Variants in EFNA5 observed in about 807,000 individuals in gnomAD.
EFNA5 encodes ephrin A5.
Under a neutral mutation model 22.9 loss-of-function variants are expected in EFNA5, and 5 were observed. That is an observed-to-expected ratio of 0.22 (90% CI 0.11 to 0.46). EFNA5 has a LOEUF of 0.46. EFNA5 is among the 20% of genes least tolerant of loss of function. EFNA5 has a pLI of 0.99. For synonymous variants in EFNA5, 113 were observed against 112.2 expected (o/e 1.01, Z -0.04); for missense variants, 237 against 293.3 (o/e 0.81, Z 1.40).
At chr5:107,633,098 G>A (rs1262432731) in intron 1 of EFNA5, among the ~76,000 whole-genome samples, 1 of 151,892 alleles carries the variant, frequency 6.6e-6, no homozygotes, top group Non-Finnish European at 1.5e-5. Context: ...TCTAAATTGA[G>A]GTCATTTTTT....
intron 1 of EFNA5, among the ~76,000 whole-genome samples, chr5:107,649,077 C>A (rs963426413): frequency 3.3e-5 from 5 of 152,090 alleles, no homozygotes; most frequent in South Asian, 2.1e-4. Context: ...AAGTGACTTG[C>A]CCAAGGTCAA....
intron 1 of EFNA5, among the ~76,000 whole-genome samples, chr5:107,529,319 A>G (rs1475522594): frequency 1.3e-5 from 2 of 151,958 alleles, no homozygotes; most frequent in Non-Finnish European, 2.9e-5. Flanking sequence ...AGTCCCCCCT[A>G]CCCAAGGTTT....
At position 107,379,217 on chromosome 5, in the gene EFNA5, C is replaced by G. The variant is rs539745204; in HGVS notation, c.*2038G>C. On this transcript the variant is annotated 3_prime_UTR_variant, in exon 5 of 5. Coordinates refer to ENST00000333274, the MANE Select transcript of EFNA5 (RefSeq NM_001962.3). ...ACACATGGTTCCATGTGAGAACAGA[C>G]TCGGCAGTGACATCCACTCCAAATG... is the stretch of plus-strand genomic sequence containing the variant. 1 of 152,106 alleles carries G rather than the reference C, an allele frequency of 6.6e-6. No individual in the cohort carries two copies. Among genetic ancestry groups the G allele is most frequent in the Non-Finnish European group, 1.5e-5 (1 of 68,036 alleles). 9.4% of individuals were successfully genotyped at this position (152,106 alleles called of 1,614,324 possible).
chr5:107,553,494 T>C (rs151097977), intron 1 of EFNA5, among the ~76,000 whole-genome samples: 4 of 152,258 alleles, frequency 2.6e-5, no homozygotes, highest in African/African-American at 9.6e-5. Context: ...AGATTTTATA[T>C]CCCTAAAGGG....
intron 2 of EFNA5, among the ~76,000 whole-genome samples, chr5:107,422,550 C>T (rs1748699366): frequency 6.6e-6 from 1 of 152,176 alleles, no homozygotes; most frequent in African/African-American, 2.4e-5. Flanking sequence ...ATGCCTGGGG[C>T]AATGGGAAGC....
intron 1 of EFNA5, among the ~76,000 whole-genome samples, chr5:107,593,212 T>C (rs369728686): frequency 2.0e-5 from 3 of 152,258 alleles, no homozygotes; most frequent in Admixed American, 6.5e-5. Context: ...GACTCGACCC[T>C]TATGTGCACT....
At chr5:107,542,478 G>C (rs764966089) in intron 1 of EFNA5, among the ~76,000 whole-genome samples, 3 of 151,600 alleles carry the variant, frequency 2.0e-5, no homozygotes, top group African/African-American at 7.3e-5. Flanking sequence ...AGTTCCATAA[G>C]TAGAGTCTGC....
intron 1 of EFNA5, among the ~76,000 whole-genome samples, chr5:107,631,540 C>T (rs1750251063): frequency 6.6e-6 from 1 of 151,914 alleles, no homozygotes; most frequent in South Asian, 2.1e-4. Flanking sequence ...TATGAAAATA[C>T]AAGAACAACT....
At chr5:107,435,491 A>T (rs1749088420) in intron 1 of EFNA5, among the ~76,000 whole-genome samples, 1 of 152,030 alleles carries the variant, frequency 6.6e-6, no homozygotes. Flanking sequence ...TATCTTTCAG[A>T]TGTATTGGTA....
intron 1 of EFNA5, among the ~76,000 whole-genome samples, chr5:107,527,340 A>G (rs1229321538): frequency 1.3e-5 from 2 of 148,408 alleles, no homozygotes; most frequent in Non-Finnish European, 3.0e-5. Flanking sequence ...GAGCTGGAAT[A>G]CAGTGGCGCA....
At chr5:107,437,677 A>G (rs963940924) in intron 1 of EFNA5, among the ~76,000 whole-genome samples, 6 of 152,082 alleles carry the variant, frequency 3.9e-5, no homozygotes, top group Admixed American at 1.3e-4. Context: ...CATAGTAGCG[A>G]CTACATAGAT....
At chr5:107,383,539 C>T (rs1747526138) in intron 4 of EFNA5, among the ~76,000 whole-genome samples, 1 of 152,194 alleles carries the variant, frequency 6.6e-6, no homozygotes, top group African/African-American at 2.4e-5. Flanking sequence ...TAACCACAAA[C>T]CCTGAGGATT....
intron 1 of EFNA5, among the ~76,000 whole-genome samples, chr5:107,663,849 G>A (rs369802085): frequency 6.6e-6 from 1 of 152,022 alleles, no homozygotes; most frequent in East Asian, 1.9e-4. Flanking sequence ...TTCCTCACTT[G>A]AGTGGAAAAT....
At chr5:107,475,024 T>C (rs895760425) in intron 1 of EFNA5, among the ~76,000 whole-genome samples, 1 of 152,224 alleles carries the variant, frequency 6.6e-6, no homozygotes, top group African/African-American at 2.4e-5. Context: ...GACTGTGCTT[T>C]ACTAAACAAA....
At chr5:107,668,026 TAA>T (rs1751112909) in intron 1 of EFNA5, among the ~76,000 whole-genome samples, 1 of 152,238 alleles carries the variant, frequency 6.6e-6, no homozygotes, top group Non-Finnish European at 1.5e-5. Context: ...ACTTCAGAGA[TAA>T]AACTGCCTAC....
chr5:107,442,907 G>A (rs1472360770), intron 1 of EFNA5, among the ~76,000 whole-genome samples: 1 of 134,360 alleles, frequency 7.4e-6, no homozygotes, highest in African/African-American at 2.8e-5. Context: ...AACTTCCCGA[G>A]GAGCGAAAGT....
chr5:107,503,644 A>G (rs1243104372), intron 1 of EFNA5, among the ~76,000 whole-genome samples: 1 of 152,228 alleles, frequency 6.6e-6, no homozygotes, highest in African/African-American at 2.4e-5. Flanking sequence ...TGAAGCTTTA[A>G]AAGTAAATGA....
intron 1 of EFNA5, among the ~76,000 whole-genome samples, chr5:107,514,928 G>T (rs1043858182): frequency 5.3e-5 from 8 of 152,118 alleles, no homozygotes; most frequent in Admixed American, 4.6e-4. Flanking sequence ...CAGAAAAACA[G>T]CCCCAAATCA....
chr5:107,401,817 C>T (rs554325127), intron 2 of EFNA5, among the ~76,000 whole-genome samples: 64 of 152,300 alleles, frequency 4.2e-4, no homozygotes, highest in African/African-American at 1.5e-3. Flanking sequence ...GTGAAAAGAT[C>T]ATTACCAGGC....
Sources: allele counts gnomAD v4.1 joint callset (sites outside exome capture counted in the v4.1 genomes callset), GRCh38; gene constraint gnomAD v4.1.1; transcripts MANE v1.5; gene names NCBI Gene and HGNC (gene_info 2026-07-23, HGNC 2026-07-21).